Variants in SUCO observed in about 807,000 individuals in gnomAD.
SUCO encodes the protein SUN domain containing ossification factor.
SUCO carries 57 observed loss-of-function variants against 148.1 expected under a neutral mutation model. That is an observed-to-expected ratio of 0.38 (90% CI 0.31 to 0.48). The LOEUF (loss-of-function observed/expected upper bound fraction) is 0.48, where lower values mean the gene tolerates loss of function less well. SUCO is among the 20% of genes least tolerant of loss of function. The pLI is 0.96. For missense variants in SUCO, 1,331 were observed against 1,468.2 expected, an observed-to-expected ratio of 0.91 and a Z score of 1.53; for synonymous variants, 470 against 502.7, an observed-to-expected ratio of 0.93 and a Z score of 0.87.
intron 20 of SUCO, 60 bp from the exon 21 acceptor site, chr1:172,602,004 C>T: frequency 6.8e-6 from 10 of 1,474,770 alleles, no homozygotes; most frequent in South Asian, 4.2e-5. Context: ...TTTTAGATAC[C>T]CTTATATTTT....
At chr1:172,532,901 G>C (rs10798043), upstream of SUCO, 13 of 1,431,834 alleles carry the variant, frequency 9.1e-6, no homozygotes, top group African/African-American at 5.7e-5. Flanking sequence ...GGAGCGGCGA[G>C]AGCATCTGCT....
At chr1:172,577,494 G>C in intron 11 of SUCO, 45 bp from the exon 12 acceptor site, 1 of 1,588,586 alleles carries the variant, frequency 6.3e-7, no homozygotes, top group Non-Finnish European at 8.6e-7. Context: ...ATGATGTCTA[G>C]ACTTTGGAAC....
intron 22 of SUCO, among the ~76,000 whole-genome samples, chr1:172,606,495 T>C (rs896654746): frequency 6.6e-6 from 1 of 151,784 alleles, no homozygotes; most frequent in Non-Finnish European, 1.5e-5. Context: ...AAAACTCTTA[T>C]TTGTCCCAAG....
intron 18 of SUCO, 32 bp downstream of exon 18, chr1:172,589,958 T>G: frequency 6.7e-7 from 1 of 1,487,648 alleles, no homozygotes; most frequent in East Asian, 2.3e-5. Context: ...CACAGTCAGC[T>G]TCACACAGTG....
chr1:172,605,863 G>A (rs557192645), intron 22 of SUCO, among the ~76,000 whole-genome samples: 1 of 151,844 alleles, frequency 6.6e-6, no homozygotes, highest in Admixed American at 6.6e-5. Flanking sequence ...AAAAGTGATT[G>A]ACAGGCATCT....
chr1:172,583,072 A>T (rs1655987815), intron 15 of SUCO, among the ~76,000 whole-genome samples: 2 of 152,196 alleles, frequency 1.3e-5, no homozygotes, highest in African/African-American at 4.8e-5. Flanking sequence ...TTTGTGAAGC[A>T]GTCAGTTTTG....
Position 172,572,461 on chromosome 1 carries a change from T to C in SUCO, c.1050-1430T>C, listed in dbSNP as rs375758107. The stretch of plus-strand genomic sequence containing the variant: ...CACTCAGGGTTAAATGGATTAAGGG[T>C]GGTGCAAGATGTGCTTTGTTAAACA... On this transcript the variant is annotated intron_variant, in intron 9 of 23. Coordinates refer to ENST00000263688, the MANE Select transcript of SUCO (RefSeq NM_014283.5). 1.8e-4 allele frequency among the ~76,000 whole-genome samples: 28 copies of C among 151,668 alleles called. No homozygotes were observed. The South Asian group carries it at 2.1e-3, about 11-fold the overall frequency.
rs151109285 is a variant in SUCO, at chr1:172,577,815, A to C, written c.1336A>C (p.Ile446Leu). 6.2e-7 allele frequency: 1 copy of C among 1,608,600 alleles called. No individual in the cohort carries two copies. Among genetic ancestry groups the C allele is most frequent in the East Asian group, 2.2e-5 (1 of 44,714 alleles). ...AGAGCACTTTTGTCCATTAAGCCTT[A>C]TAAGGTAATGCAGAACAAAATACAT... ...GSEHFCPLSL[I>L]RVFGTSMVEE... Residue 446 changes from isoleucine to leucine, a missense_variant, in exon 13 of 24, where the codon ATA becomes CTA. By Grantham distance (5) the Ile-to-Leu change is conservative. Coordinates refer to ENST00000263688, the MANE Select transcript of SUCO (RefSeq NM_014283.5).
chr1:172,580,978 A>G lies in SUCO; in HGVS notation c.1498+1711A>G, dbSNP rs569171708. On this transcript the variant is annotated intron_variant, in intron 15 of 23. Transcript: ENST00000263688. ...TTAGCCAAGCATGGTGCGTGCGCCT[A>G]TAATCCCAGCTACTCCAGAGCTGAC... 2.2e-3 allele frequency among the ~76,000 whole-genome samples: 128 copies of G among 57,544 alleles called. 1 individual carries two copies. The highest frequency in any genetic ancestry group is 8.7e-3 in the African/African-American group (119 of 13,662). The allele number at this position is 57,544 out of a possible 152,430, so 37.8% of individuals were successfully genotyped here.
chr1:172,608,038 T>G, intron 22 of SUCO: 1 of 977,208 alleles, frequency 1.0e-6, no homozygotes, highest in Non-Finnish European at 1.2e-6. Context: ...GTGTGTCTAT[T>G]TTGTCAGTGT....
chr1:172,532,427 G>C (rs375631991), upstream of SUCO: 4 of 1,467,304 alleles, frequency 2.7e-6, no homozygotes, highest in African/African-American at 1.4e-5. Context: ...CGAAATTCTT[G>C]CTGAAGAGAA....
intron 6 of SUCO, among the ~76,000 whole-genome samples, chr1:172,559,827 C>T (rs74124239): frequency 0.033 from 5,088 of 152,120 alleles, 256 homozygotes; most frequent in African/African-American, 0.11. Flanking sequence ...AGACATAGCA[C>T]ATTGGTGGGC....
At chr1:172,609,260 G>C (rs1281553416) in intron 23 of SUCO, 1 of 984,488 alleles carries the variant, frequency 1.0e-6, no homozygotes, top group Non-Finnish European at 1.2e-6. Flanking sequence ...AATGTACTTA[G>C]GATTTTTTGG....
At chr1:172,571,223 T>G (rs1028719975) in intron 9 of SUCO, among the ~76,000 whole-genome samples, 2 of 152,218 alleles carry the variant, frequency 1.3e-5, no homozygotes, top group Non-Finnish European at 2.9e-5. Flanking sequence ...CACGCCTGAC[T>G]GGTTTTCGTA....
chr1:172,585,068 A>G lies in SUCO; in HGVS notation c.1549A>G (p.Thr517Ala). The part of the protein sequence containing the change: ...NIAANILGAK[T>A]EDLTEGNKSI... ...TGCTGCTAATATTCTGGGAGCAAAAACTGAAGACCTGACAGAAGGTACCTA... is the reference window on the plus strand; with the variant it reads ...TGCTGCTAATATTCTGGGAGCAAAAGCTGAAGACCTGACAGAAGGTACCTA... The change falls in exon 16 of 24, where the codon ACT (threonine) becomes GCT (alanine). Residue 517 changes from threonine (T) to alanine (A), a missense_variant. Around this residue, in one of 3 missense-constraint regions of SUCO, gnomAD observed 992 missense variants for 1,093.5 expected, o/e 0.91. Transcript: ENST00000263688. 6.2e-7 allele frequency: 1 copy of G among 1,605,728 alleles called. No individual in the cohort carries two copies. Among genetic ancestry groups the G allele is most frequent in the Non-Finnish European group, 8.5e-7 (1 of 1,175,362 alleles).
At chr1:172,572,718 A>G (rs968434180) in intron 9 of SUCO, among the ~76,000 whole-genome samples, 4 of 150,404 alleles carry the variant, frequency 2.7e-5, no homozygotes, top group Non-Finnish European at 4.4e-5. Flanking sequence ...AAAAAAAAAA[A>G]AAAAAAAAGA....
At chr1:172,540,518 C>G (rs186386469) in intron 1 of SUCO, among the ~76,000 whole-genome samples, 186 of 152,234 alleles carry the variant, frequency 1.2e-3, no homozygotes, top group Non-Finnish European at 2.1e-3. Context: ...TTTTATATGT[C>G]TAACATTCTA....
intron 20 of SUCO, among the ~76,000 whole-genome samples, chr1:172,600,696 ATGTGTGTGTGTG>A (rs61681764): frequency 8.1e-5 from 12 of 148,952 alleles, no homozygotes; most frequent in Non-Finnish European, 1.3e-4. Flanking sequence ...AGAAAATTAA[ATGTGTGTGTGTG>A]TGTGTGTGTG....
At chr1:172,588,188 G>A in intron 17 of SUCO, 1 of 985,236 alleles carries the variant, frequency 1.0e-6, no homozygotes, top group South Asian at 4.7e-5. Context: ...TGCGTTGTGT[G>A]TTTAATGCTG....
Sources: allele counts gnomAD v4.1 joint callset (sites outside exome capture counted in the v4.1 genomes callset), GRCh38; gene constraint gnomAD v4.1.1; regional missense constraint gnomAD v4.1.1; transcripts MANE v1.5; gene names NCBI Gene and HGNC (gene_info 2026-07-23, HGNC 2026-07-21).